Variants in DGKI observed in about 807,000 individuals in gnomAD.
DGKI encodes DAG kinase iota.
Under a neutral mutation model 147.5 loss-of-function variants are expected in DGKI, and 55 were observed. The ratio of observed to expected loss-of-function variants is 0.37; its 90% CI spans 0.30 to 0.47. The LOEUF (loss-of-function observed/expected upper bound fraction) is 0.47, where lower values mean the gene tolerates loss of function less well. Among genes scored for constraint, DGKI ranks in the 20% least tolerant of loss-of-function variants. The probability of loss-of-function intolerance (pLI) is 1.00; values close to 1 mark genes in which losing one functional copy is unlikely to be tolerated. For synonymous variants in DGKI, 469 were observed against 477.1 expected (o/e 0.98, Z 0.22); for missense variants, 1,007 against 1,323.8 (o/e 0.76, Z 3.71).
At chr7:137,571,577 T>C (rs1818795076) in intron 18 of DGKI, among the ~76,000 whole-genome samples, 1 of 152,244 alleles carries the variant, frequency 6.6e-6, no homozygotes, top group Non-Finnish European at 1.5e-5. Context: ...TTCTATGATA[T>C]ATCATGAATT....
chr7:137,731,497 G>A (rs566713681), intron 1 of DGKI, among the ~76,000 whole-genome samples: 9 of 152,082 alleles, frequency 5.9e-5, no homozygotes, highest in African/African-American at 1.9e-4. Context: ...CGGCATCATC[G>A]TCATCTTCTT....
chr7:137,594,833 A>G (rs942742385), intron 12 of DGKI, among the ~76,000 whole-genome samples: 1 of 152,248 alleles, frequency 6.6e-6, no homozygotes, highest in Non-Finnish European at 1.5e-5. Context: ...TTTTCACAAA[A>G]CATCTTATCC....
chr7:137,477,352 A>G (rs1333055757), intron 23 of DGKI, among the ~76,000 whole-genome samples: 1 of 152,196 alleles, frequency 6.6e-6, no homozygotes, highest in Non-Finnish European at 1.5e-5. Flanking sequence ...AAATATAGCC[A>G]ATCTTAATAT....
At chr7:137,714,699 G>T (rs956495470) in intron 1 of DGKI, among the ~76,000 whole-genome samples, 1 of 152,154 alleles carries the variant, frequency 6.6e-6, no homozygotes, top group Non-Finnish European at 1.5e-5. Flanking sequence ...ATAGCAATAA[G>T]ACATCTTACT....
chr7:137,738,748 AT>A (rs1795094202), intron 1 of DGKI, among the ~76,000 whole-genome samples: 3 of 133,006 alleles, frequency 2.3e-5, no homozygotes, highest in Non-Finnish European at 3.2e-5. Flanking sequence ...TCCTTTTCAT[AT>A]CCGATTTACT....
At chr7:137,410,106 A>G (rs905198941) in intron 29 of DGKI, among the ~76,000 whole-genome samples, 10 of 152,178 alleles carry the variant, frequency 6.6e-5, no homozygotes, top group Admixed American at 4.6e-4. Flanking sequence ...TCCATCTCTC[A>G]GTAAATAAGG....
intron 1 of DGKI, among the ~76,000 whole-genome samples, chr7:137,701,576 T>C (rs1823985604): frequency 6.6e-6 from 1 of 151,924 alleles, no homozygotes; most frequent in Admixed American, 6.6e-5. Context: ...AAAATAAAAA[T>C]TTAAAAATAC....
At chr7:137,796,098 T>C (rs1006114533) in intron 1 of DGKI, among the ~76,000 whole-genome samples, 11 of 152,114 alleles carry the variant, frequency 7.2e-5, no homozygotes, top group Admixed American at 6.5e-4. Context: ...AAAAATAAGA[T>C]ACATAGTAAA....
At chr7:137,770,957 T>C (rs369791602) in intron 1 of DGKI, among the ~76,000 whole-genome samples, 5 of 152,358 alleles carry the variant, frequency 3.3e-5, no homozygotes, top group African/African-American at 1.2e-4. Flanking sequence ...CTATGGTATG[T>C]GAGGCAAGCT....
At chr7:137,441,510 A>G (rs565729317) in intron 28 of DGKI, among the ~76,000 whole-genome samples, 6 of 152,094 alleles carry the variant, frequency 3.9e-5, no homozygotes, top group Non-Finnish European at 7.4e-5. Context: ...TACGCAGTTT[A>G]TGATTAGCTC....
At chr7:137,701,290 G>T (rs934560190) in intron 1 of DGKI, among the ~76,000 whole-genome samples, 3 of 152,124 alleles carry the variant, frequency 2.0e-5, no homozygotes, top group Admixed American at 6.5e-5. Context: ...ACAAATCTGG[G>T]AGTCTGCCCT....
At chr7:137,668,550 A>C (rs1433575253) in intron 3 of DGKI, among the ~76,000 whole-genome samples, 1 of 152,272 alleles carries the variant, frequency 6.6e-6, no homozygotes, top group Non-Finnish European at 1.5e-5. Context: ...TAAGTAACAC[A>C]GGGTAACTAT....
At chr7:137,400,452 T>C (rs1011787031) in intron 30 of DGKI, among the ~76,000 whole-genome samples, 1 of 152,248 alleles carries the variant, frequency 6.6e-6, no homozygotes, top group Admixed American at 6.5e-5. Context: ...TCCACAGTTA[T>C]CCAGGGTCTA....
intron 30 of DGKI, among the ~76,000 whole-genome samples, chr7:137,398,233 C>A (rs889579568): frequency 6.6e-6 from 1 of 152,182 alleles, no homozygotes; most frequent in Non-Finnish European, 1.5e-5. Context: ...GATTTATCAT[C>A]CAAGTTGGGA....
At chr7:137,753,206 A>G (rs1051788896) in intron 1 of DGKI, among the ~76,000 whole-genome samples, 1 of 152,328 alleles carries the variant, frequency 6.6e-6, no homozygotes, top group South Asian at 2.1e-4. Context: ...AAGGAAAAGC[A>G]AGGTGGCTCT....
chr7:137,823,295 C>T (rs2117042006), intron 1 of DGKI, among the ~76,000 whole-genome samples: 1 of 152,308 alleles, frequency 6.6e-6, no homozygotes. Flanking sequence ...TCTGTAAGCA[C>T]AGCAGCAACA....
intron 20 of DGKI, among the ~76,000 whole-genome samples, chr7:137,543,804 C>G (rs567187164): frequency 6.6e-6 from 1 of 152,270 alleles, no homozygotes; most frequent in East Asian, 1.9e-4. Context: ...AATTAGCAAA[C>G]ACTAGTGTGT....
intron 23 of DGKI, among the ~76,000 whole-genome samples, chr7:137,474,539 G>C (rs966354692): frequency 4.6e-5 from 7 of 152,182 alleles, no homozygotes; most frequent in Non-Finnish European, 8.8e-5. Context: ...GGTTGAGGTG[G>C]CGGTGGTGGA....
At chr7:137,662,783 C>T (rs13438482) in intron 3 of DGKI, among the ~76,000 whole-genome samples, 9,454 of 152,212 alleles carry the variant, frequency 0.062, 811 homozygotes, top group African/African-American at 0.19. Flanking sequence ...TTTGTAAAGA[C>T]TCCATGTGTT....
Sources: gnomAD v4.1 joint callset for allele counts (sites outside exome capture counted in the v4.1 genomes callset) on GRCh38, gnomAD v4.1.1 for gene constraint, MANE v1.5 for transcripts, NCBI Gene and HGNC (gene_info 2026-07-23, HGNC 2026-07-21) for gene names.